Variants in SORBS2 observed in about 807,000 individuals in gnomAD.
SORBS2 encodes sorbin and SH3 domain containing 2.
SORBS2 carries 46 observed loss-of-function variants against 97.7 expected under a neutral mutation model. The ratio of observed to expected loss-of-function variants is 0.47; its 90% CI spans 0.37 to 0.60. The LOEUF (loss-of-function observed/expected upper bound fraction) is 0.60, where lower values mean the gene tolerates loss of function less well. SORBS2 is among the 20% of genes least tolerant of loss of function. SORBS2 has a pLI of 0.00. For synonymous variants in SORBS2, 476 were observed against 473.4 expected, an observed-to-expected ratio of 1.01 and a Z score of -0.07; for missense variants, 1,316 against 1,282.3, an observed-to-expected ratio of 1.03 and a Z score of -0.40.
At chr4:185,624,049 C>T in exon 7 of SORBS2, 1 of 1,614,180 alleles carries the variant, frequency 6.2e-7, no homozygotes, top group Non-Finnish European at 8.5e-7. Flanking sequence ...TGATGCGGTG[C>T]ATTTTCTTGT....
chr4:185,947,066 A>T (rs2099274877), intron 1 of SORBS2, among the ~76,000 whole-genome samples: 2 of 152,228 alleles, frequency 1.3e-5, no homozygotes, highest in South Asian at 4.1e-4. Flanking sequence ...GATCAAGGAA[A>T]AAGGAGGATT....
At chr4:185,748,435 C>T (rs766205338) in intron 2 of SORBS2, among the ~76,000 whole-genome samples, 1 of 152,186 alleles carries the variant, frequency 6.6e-6, no homozygotes, top group Non-Finnish European at 1.5e-5. Flanking sequence ...CTGACATCTG[C>T]TTCCAGAATT....
At chr4:185,589,631 A>G (rs2095873498) in intron 14 of SORBS2, 48 bp downstream of exon 26, 1 of 1,152,050 alleles carries the variant, frequency 8.7e-7, no homozygotes, top group African/African-American at 1.5e-5. Flanking sequence ...AGCAAACTCA[A>G]GCAAATTACA....
Position 185,746,911 on chromosome 4 carries a change from T to C in SORBS2, c.-198+28316A>G, listed in dbSNP as rs190432765. 3.2e-3 allele frequency among the ~76,000 whole-genome samples: 494 copies of C among 152,326 alleles called. 3 individuals carry two copies. Among genetic ancestry groups the C allele is most frequent in the African/African-American group, 0.011 (475 of 41,578 alleles). On this transcript the variant is annotated intron_variant, in intron 2 of 20. Transcript: ENST00000284776. ...CCCCTAGGACCTCAGAATGTGCCTG[T>C]GCCCTGTATTTGAAGACAGGGACTT...
chr4:185,666,668 A>C (rs1218748699), intron 4 of SORBS2, among the ~76,000 whole-genome samples: 2 of 152,236 alleles, frequency 1.3e-5, no homozygotes, highest in Non-Finnish European at 1.5e-5. Context: ...CTAAACACTG[A>C]TAATACTAAA....
At position 185,611,983 on chromosome 4, in the gene SORBS2, G is replaced by A; in HGVS notation, c.2596-3C>T. ...TTAAGAAGAATAACTCTATCTCCCT[G>A]TTATGAATATGAGAAAAATGCATTA... On this transcript the variant is annotated splice_region_variant and splice_polypyrimidine_tract_variant and intron_variant, in intron 11 of 14. Transcript: ENST00000418609. 1 of 1,553,282 alleles carries A rather than the reference G, an allele frequency of 6.4e-7. No homozygotes were observed. Among genetic ancestry groups the A allele is most frequent in the Non-Finnish European group, 8.9e-7 (1 of 1,126,182 alleles).
chr4:185,803,045 G>A lies in SORBS2; in HGVS notation c.-337-27679C>T, dbSNP rs575496859. Among the ~76,000 whole-genome samples, 34 of 152,252 alleles carry A rather than the reference G, an allele frequency of 2.2e-4. 1 individual carries two copies. The South Asian group carries it at 7.1e-3, about 32-fold the overall frequency. On this transcript the variant is annotated intron_variant, in intron 1 of 20. Transcript: ENST00000284776. Reference sequence around the variant, plus strand: ...CCTACTGAACTCAAAAGCTCTAGTGGTTCAGTGATCCCATTGGTAACAAAT... The same window carrying A: ...CCTACTGAACTCAAAAGCTCTAGTGATTCAGTGATCCCATTGGTAACAAAT...
chr4:185,646,805 A>T (rs2097214809), intron 3 of SORBS2, 23 bp from the exon 13 acceptor site: 1 of 1,300,044 alleles, frequency 7.7e-7, no homozygotes, highest in African/African-American at 1.5e-5. Context: ...AATAAATCAC[A>T]CATTAAAATA....
intron 1 of SORBS2, among the ~76,000 whole-genome samples, chr4:185,947,300 G>A (rs2099274995): frequency 6.6e-6 from 1 of 152,178 alleles, no homozygotes; most frequent in African/African-American, 2.4e-5. Context: ...GTTTAGCAGG[G>A]AACGGAAGCC....
At chr4:185,672,346 C>T (rs575187191) in intron 4 of SORBS2, among the ~76,000 whole-genome samples, 50 of 152,178 alleles carry the variant, frequency 3.3e-4, no homozygotes, top group Admixed American at 1.3e-3. Flanking sequence ...TATTTCATAA[C>T]GGACAGGACA....
intron 4 of SORBS2, among the ~76,000 whole-genome samples, chr4:185,663,682 A>G (rs775278621): frequency 3.7e-4 from 57 of 152,220 alleles, no homozygotes; most frequent in African/African-American, 1.3e-3. Context: ...TTGTAATACT[A>G]TTATAACATG....
chr4:185,884,121 C>T (rs1390179493), intron 1 of SORBS2, among the ~76,000 whole-genome samples: 1 of 152,174 alleles, frequency 6.6e-6, no homozygotes, highest in Admixed American at 6.5e-5. Context: ...GTGAAGTTTA[C>T]ATGACTGTAT....
intron 2 of SORBS2, among the ~76,000 whole-genome samples, chr4:185,698,866 A>AT (rs11431973): frequency 0.37 from 55,528 of 150,616 alleles, 12,114 homozygotes; most frequent in South Asian, 0.52. Flanking sequence ...ATAGCCATTG[A>AT]TTTTTTTTTT....
intron 2 of SORBS2, among the ~76,000 whole-genome samples, chr4:185,727,778 C>T (rs185875902): frequency 2.4e-4 from 37 of 152,256 alleles, no homozygotes; most frequent in Admixed American, 8.5e-4. Flanking sequence ...AGATAAACAG[C>T]TTGTTCAGAA....
chr4:185,739,722 G>A (rs1265968276), intron 2 of SORBS2, among the ~76,000 whole-genome samples: 3 of 152,168 alleles, frequency 2.0e-5, no homozygotes, highest in Non-Finnish European at 2.9e-5. Context: ...TTGCTATGAG[G>A]AGATGTGACA....
chr4:185,718,266 A>G (rs931756073), intron 2 of SORBS2, among the ~76,000 whole-genome samples: 1 of 152,154 alleles, frequency 6.6e-6, no homozygotes, highest in Non-Finnish European at 1.5e-5. Context: ...TACTTAGAAA[A>G]ATAGCTGGCG....
chr4:185,931,948 G>A (rs187423402), intron 1 of SORBS2, among the ~76,000 whole-genome samples: 1 of 151,634 alleles, frequency 6.6e-6, no homozygotes, highest in East Asian at 1.9e-4. Flanking sequence ...ATATGAGATT[G>A]CCCTAGAGTA....
chr4:185,938,696 C>G (rs917043129), intron 1 of SORBS2, among the ~76,000 whole-genome samples: 1 of 151,966 alleles, frequency 6.6e-6, no homozygotes, highest in Admixed American at 6.6e-5. Context: ...GTGCACCAAC[C>G]CTATGAGTTT....
intron 2 of SORBS2, among the ~76,000 whole-genome samples, chr4:185,700,059 G>A (rs2098238243): frequency 6.6e-6 from 1 of 152,160 alleles, no homozygotes; most frequent in South Asian, 2.1e-4. Context: ...CACACGAGAG[G>A]GGAATAGGTA....
Sources: gnomAD v4.1 joint callset for allele counts (sites outside exome capture counted in the v4.1 genomes callset) on GRCh38, gnomAD v4.1.1 for gene constraint, MANE v1.5 for transcripts, NCBI Gene and HGNC (gene_info 2026-07-23, HGNC 2026-07-21) for gene names.